ABI3: variants seen among roughly 807,000 people sequenced by gnomAD.
ABI3 encodes the protein ABI gene family member 3.
Under a neutral mutation model 37.0 loss-of-function variants are expected in ABI3, and 24 were observed. The observed-to-expected ratio is 0.65, with a 90% CI of 0.47 to 0.91. ABI3 has a LOEUF of 0.91. Ranked by LOEUF, ABI3 falls within the 40% of genes least tolerant of loss-of-function variation. The pLI, the probability that ABI3 is intolerant of heterozygous loss-of-function variation, is 0.00. For synonymous variants in ABI3, 220 were observed against 211.8 expected, an observed-to-expected ratio of 1.04 and a Z score of -0.34; for missense variants, 481 against 485.1, an observed-to-expected ratio of 0.99 and a Z score of 0.08.
At chr17:49,220,754 G>A (rs1171878080) in intron 6 of ABI3, among the ~76,000 whole-genome samples, 2 of 151,930 alleles carry the variant, frequency 1.3e-5, no homozygotes, top group African/African-American at 4.8e-5. Flanking sequence ...TGAGGCAGGA[G>A]AATCGCTTGA....
intron 1 of ABI3, among the ~76,000 whole-genome samples, chr17:49,212,209 C>A (rs145023944): frequency 0.038 from 5,839 of 152,296 alleles, 192 homozygotes; most frequent in Admixed American, 0.11. Context: ...CCACCTTGGC[C>A]TCCCAAAGTG....
At chr17:49,221,910 G>C (rs1026678045) in intron 6 of ABI3, among the ~76,000 whole-genome samples, 181 bp from the exon 7 acceptor site, 1 of 152,098 alleles carries the variant, frequency 6.6e-6, no homozygotes, top group Non-Finnish European at 1.5e-5. Flanking sequence ...GTAGAGACAG[G>C]GTTTCACCAT....
chr17:49,217,752 A>T lies in ABI3; in HGVS notation c.299A>T (p.His100Leu). ...VSTLGQMVNM[H>L]MEKVARREIG... ...CCTGTCATGCAGATGGTGAACATGC[A>T]TATGGAGAAGGTGGCCCGAAGGGAG... Residue 100 changes from histidine (H) to leucine (L), a missense_variant, in exon 3 of 8, where the codon CAT (histidine) becomes CTT (leucine). Coordinates refer to ENST00000225941, the MANE Select transcript of ABI3 (RefSeq NM_016428.3). 1 of 1,608,538 alleles carries T rather than the reference A, an allele frequency of 6.2e-7. No individual in the cohort carries two copies. Among genetic ancestry groups the T allele is most frequent in the Non-Finnish European group, 8.5e-7 (1 of 1,177,600 alleles).
rs771420558 is a variant in ABI3, at chr17:49,210,846, G to C, written c.117+5G>C. The C allele has an allele frequency of 1.3e-6, 2 of 1,546,694 alleles. No homozygotes were observed. The highest frequency in any genetic ancestry group is 2.4e-5 in the South Asian group (2 of 84,186). ...TGCGAGGACAACTATGTGCAGGTAG[G>C]TAGAGCGGGCGGAAGCCTGACACCC... On this transcript the variant is annotated splice_donor_5th_base_variant and intron_variant, in intron 1 of 7. Coordinates refer to ENST00000225941, the MANE Select transcript of ABI3 (RefSeq NM_016428.3). The surrounding 1 kb of genome is among the most constrained non-coding windows in gnomAD (Gnocchi z 4.2).
At chr17:49,218,036 CT>C in intron 3 of ABI3, 121 bp downstream of exon 3, 1 of 1,013,838 alleles carries the variant, frequency 9.9e-7, no homozygotes, top group Non-Finnish European at 1.4e-6. Context: ...TCTTTCCCCG[CT>C]CCCTGAAACC....
In ABI3 at chr17:49,210,907, A is replaced by C; in HGVS notation, c.117+66A>C. 3.0e-6 allele frequency: 4 copies of C among 1,350,040 alleles called. No homozygotes were observed. Among genetic ancestry groups the C allele is most frequent in the Non-Finnish European group, 4.1e-6 (4 of 978,750 alleles). 83.6% of individuals were successfully genotyped at this position (1,350,040 alleles called of 1,614,324 possible). On this transcript the variant is annotated intron_variant, in intron 1 of 7. Transcript: ENST00000225941. The surrounding 1 kb of genome is among the most constrained non-coding windows in gnomAD (Gnocchi z 4.2). Reference sequence around the variant, plus strand: ...AGGGGGGACCCTGAGCCCTGCCCCAAGTGGGGCCCTGGGACCCATCCTGAC... The same window carrying C: ...AGGGGGGACCCTGAGCCCTGCCCCACGTGGGGCCCTGGGACCCATCCTGAC...
In ABI3 at chr17:49,216,922, T is replaced by A. The variant is rs117740252; in HGVS notation, c.285+224T>A. ...GAGCTTTTTCTTTCTCGGAATTATATCCTGGACATGAGAAAGTGTTATCTA... is the reference window on the plus strand; with the variant it reads ...GAGCTTTTTCTTTCTCGGAATTATAACCTGGACATGAGAAAGTGTTATCTA... On this transcript the variant is annotated intron_variant, in intron 2 of 7. Coordinates refer to ENST00000225941, the MANE Select transcript of ABI3 (RefSeq NM_016428.3). Among the ~76,000 whole-genome samples the A allele has an allele frequency of 5.0e-3, 765 of 152,298 alleles. 4 individuals are homozygous for A. Among genetic ancestry groups the A allele is most frequent in the Middle Eastern group, 0.01 (3 of 294 alleles).
intron 3 of ABI3, among the ~76,000 whole-genome samples, chr17:49,218,234 T>G (rs892095147): frequency 1.3e-5 from 2 of 152,184 alleles, no homozygotes; most frequent in African/African-American, 4.8e-5. Flanking sequence ...AGGGTGTGCA[T>G]GAGAATGGCT....
At position 49,219,928 on chromosome 17, in the gene ABI3, T is replaced by G; in HGVS notation, c.619T>G (p.Ser207Ala). 6.4e-7 allele frequency: 1 copy of G among 1,555,176 alleles called. No individual in the cohort carries two copies. Among genetic ancestry groups the G allele is most frequent in the East Asian group, 2.4e-5 (1 of 41,968 alleles). ...CGACGGCAGACTCTCCGCCGCCTCC[T>G]CTGCGTTTTCCCTGGCCTCGGCCGG... ...VPDGRLSAAS[S>A]AFSLASAGSA... is the part of the protein sequence containing the mutation. Residue 207 changes from serine (S) to alanine (A), a missense_variant, in exon 5 of 8, where the codon TCT (serine) becomes GCT (alanine). Ser to Ala is a moderately conservative substitution (Grantham distance 99). Coordinates refer to ENST00000225941, the MANE Select transcript of ABI3 (RefSeq NM_016428.3). This position sits in a 1 kb window ranked among gnomAD's most constrained non-coding sequence, Gnocchi z 4.3.
chr17:49,220,891 T>TAATAATAATA (rs982846670), intron 6 of ABI3, among the ~76,000 whole-genome samples: 2 of 139,894 alleles, frequency 1.4e-5, no homozygotes, highest in African/African-American at 5.2e-5. Context: ...ATAATAATAA[T>TAATAATAATA]AAACTTAATC....
chr17:49,222,049 C>A, intron 6 of ABI3, 42 bp from the exon 7 acceptor site: 1 of 1,534,652 alleles, frequency 6.5e-7, no homozygotes. Context: ...ACTGAAGGAG[C>A]TTCCTGTGCC....
intron 1 of ABI3, among the ~76,000 whole-genome samples, chr17:49,213,226 A>G (rs906091099): frequency 6.6e-6 from 1 of 152,234 alleles, no homozygotes; most frequent in Non-Finnish European, 1.5e-5. Flanking sequence ...GGAAGGATGG[A>G]TAATAAGAAT....
rs117745330 is a variant in ABI3, at chr17:49,217,646, C to G, written c.286-93C>G. ...CTTTTTCTAGACCTGGCTGCCTCCC[C>G]CCCCCAGCCCAGTCTTTATCTTCTT... On this transcript the variant is annotated intron_variant, in intron 2 of 7. Transcript: ENST00000225941. The G allele has an allele frequency of 4.1e-5, 50 of 1,220,734 alleles. 1 individual carries two copies. The highest frequency in any genetic ancestry group is 2.2e-4 in the Middle Eastern group (1 of 4,514). 75.6% of individuals were successfully genotyped at this position (1,220,734 alleles called of 1,614,324 possible). A position where few individuals can be genotyped will look rare whatever the true frequency, so the allele number is the denominator to read the frequency against.
rs2043253636 is a variant in ABI3 at position 49,219,276 on chromosome 17, G to T, written c.463-264G>T. On this transcript the variant is annotated intron_variant, in intron 3 of 7. Transcript: ENST00000225941. This position sits in a 1 kb window ranked among gnomAD's most constrained non-coding sequence, Gnocchi z 4.3. ...GAGATGGTCTGGGGGAGGGACAGGG[G>T]TGCTGGGCCCACTCAACCCGCTGTG... Among the ~76,000 whole-genome samples the T allele has an allele frequency of 6.6e-6, 1 of 152,140 alleles. No individual in the cohort carries two copies. The highest frequency in any genetic ancestry group is 1.5e-5 in the Non-Finnish European group (1 of 68,030).
intron 6 of ABI3, 34 bp from the exon 7 acceptor site, chr17:49,222,057 G>A: frequency 6.5e-7 from 1 of 1,548,702 alleles, no homozygotes; most frequent in South Asian, 1.2e-5. Context: ...AGCTTCCTGT[G>A]CCACACTTAC....
intron 2 of ABI3, among the ~76,000 whole-genome samples, chr17:49,217,526 C>T (rs2043231857): frequency 6.7e-6 from 1 of 150,158 alleles, no homozygotes; most frequent in Admixed American, 6.7e-5. Flanking sequence ...CTCTTTCCAC[C>T]AGGAAGTTGC....
chr17:49,217,639 G>C, intron 2 of ABI3, 100 bp from the exon 3 acceptor site: 1 of 1,135,564 alleles, frequency 8.8e-7, no homozygotes, highest in Non-Finnish European at 1.2e-6. Context: ...AGACCTGGCT[G>C]CCTCCCCCCC....
chr17:49,216,176 A>G (rs932333663), intron 1 of ABI3, among the ~76,000 whole-genome samples: 1 of 150,058 alleles, frequency 6.7e-6, no homozygotes, highest in African/African-American at 2.5e-5. Flanking sequence ...CCTTTCTACT[A>G]TTCACCCCCA....
chr17:49,218,416 T>A (rs1274027676), intron 3 of ABI3, among the ~76,000 whole-genome samples: 1 of 152,196 alleles, frequency 6.6e-6, no homozygotes, highest in Non-Finnish European at 1.5e-5. Context: ...TATGTCCTTC[T>A]GCGAGGTCAG....
Sources: allele counts gnomAD v4.1 joint callset (sites outside exome capture counted in the v4.1 genomes callset), GRCh38; gene constraint gnomAD v4.1.1; non-coding constraint Gnocchi (gnomAD v3.1); transcripts MANE v1.5; gene names NCBI Gene and HGNC (gene_info 2026-07-23, HGNC 2026-07-21).